Variants in RSBN1 observed in about 807,000 individuals in gnomAD.
RSBN1 encodes round spermatid basic protein 1.
In RSBN1, 23 loss-of-function variants were observed where a neutral mutation model predicts 74.8. The observed-to-expected ratio is 0.31, with a 90% CI of 0.22 to 0.44. The LOEUF (loss-of-function observed/expected upper bound fraction) is 0.44, where lower values mean the gene tolerates loss of function less well. Among genes scored for constraint, RSBN1 ranks in the 20% least tolerant of loss-of-function variants. The pLI, the probability that RSBN1 is intolerant of heterozygous loss-of-function variation, is 1.00. For missense variants in RSBN1, 808 were observed against 1,020.9 expected, an observed-to-expected ratio of 0.79 and a Z score of 2.84; for synonymous variants, 407 against 379.6, an observed-to-expected ratio of 1.07 and a Z score of -0.84.
At chr1:113,786,128 T>C (rs1660238382) in intron 2 of RSBN1, among the ~76,000 whole-genome samples, 1 of 152,166 alleles carries the variant, frequency 6.6e-6, no homozygotes, top group South Asian at 2.1e-4. Flanking sequence ...ATCTGAAAAT[T>C]ATACAGGAGA....
intron 2 of RSBN1, among the ~76,000 whole-genome samples, chr1:113,782,494 A>G (rs1244813183): frequency 1.3e-5 from 2 of 152,248 alleles, no homozygotes. Context: ...TGAAAGGATG[A>G]GTTAAGAAGT....
At chr1:113,770,073 G>T (rs1659859506) in intron 4 of RSBN1, among the ~76,000 whole-genome samples, 1 of 152,106 alleles carries the variant, frequency 6.6e-6, no homozygotes, top group Non-Finnish European at 1.5e-5. Flanking sequence ...ATGAGTACTG[G>T]TAAATTATGG....
In RSBN1 at chr1:113,763,941, TA is replaced by T. The variant is rs912979546; in HGVS notation, c.*2038del. The T allele has an allele frequency of 9.2e-4, 137 of 148,634 alleles. 1 individual carries two copies. Among genetic ancestry groups the T allele is most frequent in the African/African-American group, 2.6e-3 (104 of 40,546 alleles). The allele number at this position is 148,634 out of a possible 1,614,324, so 9.2% of individuals were successfully genotyped here. On this transcript the variant is annotated 3_prime_UTR_variant, in exon 7 of 7. Transcript: ENST00000261441. ...CGGATCTTGGAAGACAAGAAAAAAT[TA>T]AAAAAAAAAAATTTTTGCTTTAACA...
intron 1 of RSBN1, among the ~76,000 whole-genome samples, chr1:113,808,175 C>G (rs1660752059): frequency 1.3e-5 from 2 of 152,084 alleles, no homozygotes; most frequent in African/African-American, 4.8e-5. Flanking sequence ...GGATTGGTTC[C>G]AGAGCCTCCC....
chr1:113,793,429 T>C (rs1218546857), intron 2 of RSBN1, among the ~76,000 whole-genome samples: 1 of 152,226 alleles, frequency 6.6e-6, no homozygotes, highest in Admixed American at 6.5e-5. Flanking sequence ...AAACACTTCA[T>C]TCTTAAAATG....
chr1:113,798,291 TCA>T (rs1407189111), intron 1 of RSBN1, among the ~76,000 whole-genome samples: 1 of 152,098 alleles, frequency 6.6e-6, no homozygotes, highest in Non-Finnish European at 1.5e-5. Context: ...CAGAAATAAT[TCA>T]CACATCCAAA....
chr1:113,775,343 CT>C (rs34622950), intron 4 of RSBN1, among the ~76,000 whole-genome samples: 37,758 of 146,248 alleles, frequency 0.26, 5,293 homozygotes, highest in East Asian at 0.61. Flanking sequence ...TTCTACTCTT[CT>C]TTTTTTTTTT....
At chr1:113,769,473 T>G (rs1659849330) in intron 4 of RSBN1, among the ~76,000 whole-genome samples, 1 of 152,102 alleles carries the variant, frequency 6.6e-6, no homozygotes, top group African/African-American at 2.4e-5. Flanking sequence ...TGGATTAGAG[T>G]ACAGATGAAA....
intron 2 of RSBN1, among the ~76,000 whole-genome samples, chr1:113,792,154 GAAA>G (rs1298859360): frequency 6.6e-6 from 1 of 152,102 alleles, no homozygotes; most frequent in Admixed American, 6.5e-5. Context: ...GAAAATTTTT[GAAA>G]AAGATACTTA....
rs181786733 is a variant in RSBN1 at position 113,766,775 on chromosome 1, A to G, written c.1936-322T>C. Among the ~76,000 whole-genome samples, 55 of 152,264 alleles carry G rather than the reference A, an allele frequency of 3.6e-4. No individual in the cohort carries two copies. The Middle Eastern group carries it at 0.01, about 28-fold the overall frequency. On this transcript the variant is annotated intron_variant, in intron 6 of 6. Coordinates refer to ENST00000261441, the MANE Select transcript of RSBN1 (RefSeq NM_018364.5). ...AAGGCAACATGTTTTCTTTTCTTTT[A>G]GTGTGTCTTTCAGCCTTTTGCAGTT...
At chr1:113,782,209 T>C (rs146618085) in intron 2 of RSBN1, among the ~76,000 whole-genome samples, 1 of 152,286 alleles carries the variant, frequency 6.6e-6, no homozygotes, top group Non-Finnish European at 1.5e-5. Flanking sequence ...AACTCCTATA[T>C]TTCCTTGATG....
chr1:113,811,790 C>A lies in RSBN1; in HGVS notation c.623G>T (p.Gly208Val). 1 of 1,613,822 alleles carries A rather than the reference C, an allele frequency of 6.2e-7. No individual in the cohort carries two copies. Among genetic ancestry groups the A allele is most frequent in the East Asian group, 2.2e-5 (1 of 44,816 alleles). The change falls in exon 1 of 7, where the codon GGA (glycine) becomes GTA (valine). Residue 208 changes from glycine to valine, a missense_variant. Gly to Val is a moderately radical substitution (Grantham distance 109). Around this residue, in one of 6 missense-constraint regions of RSBN1, gnomAD observed 464 missense variants for 401.0 expected, o/e 1.16. Coordinates refer to ENST00000261441, the MANE Select transcript of RSBN1 (RefSeq NM_018364.5). ...CTTGTCCTTGTGCTTGAGATCGGTT[C>A]CGCAGGAGCTGGGATCACCATCGGG... Reference protein sequence around the residue: ...RGPDGDPSSCGTDLKHKDKQE... With the variant: ...RGPDGDPSSCVTDLKHKDKQE...
At chr1:113,770,791 TA>T in intron 4 of RSBN1, among the ~76,000 whole-genome samples, 1 of 151,824 alleles carries the variant, frequency 6.6e-6, no homozygotes, top group Non-Finnish European at 1.5e-5. Flanking sequence ...TGAACAATGC[TA>T]AAATTTTAAA....
chr1:113,798,045 A>G lies in RSBN1; in HGVS notation c.704-9T>C. On this transcript the variant is annotated splice_polypyrimidine_tract_variant and intron_variant, in intron 1 of 6. Coordinates refer to ENST00000261441, the MANE Select transcript of RSBN1 (RefSeq NM_018364.5). ...ATTTTCATCTGGTGTTTCTGGCCAC[A>G]ATAATTAAAAAGAAGTTAGTTGCTA... 2 of 1,585,420 alleles carry G rather than the reference A, an allele frequency of 1.3e-6. No individual in the cohort carries two copies. The highest frequency in any genetic ancestry group is 1.7e-6 in the Non-Finnish European group (2 of 1,170,298).
At chr1:113,794,770 T>C (rs543767594) in intron 2 of RSBN1, among the ~76,000 whole-genome samples, 2 of 152,294 alleles carry the variant, frequency 1.3e-5, no homozygotes, top group African/African-American at 4.8e-5. Flanking sequence ...GTACTCTGTA[T>C]TATAATTGCT....
At chr1:113,780,132 C>CA (rs1286780911) in intron 2 of RSBN1, among the ~76,000 whole-genome samples, 1 of 152,170 alleles carries the variant, frequency 6.6e-6, no homozygotes, top group African/African-American at 2.4e-5. Context: ...TTTTATGGGA[C>CA]AAATGTCCTA....
rs1434722155 is a variant in RSBN1, at chr1:113,766,343, G to A, written c.2046C>T (p.Val682=). The change falls in exon 7 of 7, where the codon GTC becomes GTT. Residue 682 remains valine (V), a synonymous_variant. Coordinates refer to ENST00000261441, the MANE Select transcript of RSBN1 (RefSeq NM_018364.5). ...DNDIYFIPRN[V]IHQFKTVSAV... ...CCGAAACTGTTTTGAACTGATGAAT[G>A]ACATTTCTAGGGATGAAGTAGATAT... The A allele has an allele frequency of 6.2e-7, 1 of 1,614,066 alleles. No individual in the cohort carries two copies.
rs759945462 is a variant in RSBN1, at chr1:113,766,006, G to T, written c.2383C>A (p.Gln795Lys). ...RLDSDQQHNL[Q>K]EHSTTSV ...CACACAGAAGTGGTTGAATGTTCTT[G>T]CAGATTGTGTTGCTGGTCAGAGTCC... Residue 795 changes from glutamine to lysine, a missense_variant, in exon 7 of 7, where the codon CAA (glutamine) becomes AAA (lysine). By Grantham distance (53) the Gln-to-Lys change is moderately conservative. Around this residue, in one of 6 missense-constraint regions of RSBN1, gnomAD observed 91 missense variants for 99.6 expected, o/e 0.91. Coordinates refer to ENST00000261441, the MANE Select transcript of RSBN1 (RefSeq NM_018364.5). 6.8e-6 allele frequency: 11 copies of T among 1,613,144 alleles called. No homozygotes were observed. Among genetic ancestry groups the T allele is most frequent in the Non-Finnish European group, 9.3e-6 (11 of 1,179,208 alleles).
chr1:113,763,589 A>G lies in RSBN1; in HGVS notation c.*2391T>C, dbSNP rs1659725216. 6.5e-6 allele frequency: 1 copy of G among 152,800 alleles called. No homozygotes were observed. The highest frequency in any genetic ancestry group is 1.5e-5 in the Non-Finnish European group (1 of 68,034). The allele number at this position is 152,800 out of a possible 1,614,324, so 9.5% of individuals were successfully genotyped here. On this transcript the variant is annotated 3_prime_UTR_variant, in exon 7 of 7. Coordinates refer to ENST00000261441, the MANE Select transcript of RSBN1 (RefSeq NM_018364.5). ...CATGCTATTAAAATCTAATACTCAC[A>G]TAGGACATTCAGTTTTCAGATCACG... is the stretch of plus-strand genomic sequence containing the variant.
Sources: gnomAD v4.1 joint callset for allele counts (sites outside exome capture counted in the v4.1 genomes callset) on GRCh38, gnomAD v4.1.1 for gene constraint, gnomAD v4.1.1 regional missense constraint, MANE v1.5 for transcripts, NCBI Gene and HGNC (gene_info 2026-07-23, HGNC 2026-07-21) for gene names.